CNTN5: variants seen among roughly 807,000 people sequenced by gnomAD.
CNTN5 encodes the protein contactin 5.
In CNTN5, 77 loss-of-function variants were observed where a neutral mutation model predicts 129.1. That is an observed-to-expected ratio of 0.60 (90% CI 0.50 to 0.72). The LOEUF is 0.72. Among genes scored for constraint, CNTN5 ranks in the 30% least tolerant of loss-of-function variants. CNTN5 has a pLI of 0.00. For synonymous variants in CNTN5, 509 were observed against 465.6 expected, an observed-to-expected ratio of 1.09 and a Z score of -1.20; for missense variants, 1,478 against 1,328.8, an observed-to-expected ratio of 1.11 and a Z score of -1.75.
chr11:99,864,948 A>G (rs1005214187), intron 6 of CNTN5, among the ~76,000 whole-genome samples: 28 of 152,218 alleles, frequency 1.8e-4, no homozygotes, highest in African/African-American at 6.3e-4. Context: ...AAGAATAAAA[A>G]CAATCATTGG....
intron 1 of CNTN5, among the ~76,000 whole-genome samples, chr11:99,243,438 G>A (rs968902818): frequency 6.6e-5 from 10 of 151,916 alleles, no homozygotes; most frequent in Non-Finnish European, 8.8e-5. Flanking sequence ...TGTTTCTTTT[G>A]CTGTGCAGAA....
chr11:100,014,396 A>G (rs1006395886), intron 9 of CNTN5, among the ~76,000 whole-genome samples: 1 of 151,970 alleles, frequency 6.6e-6, no homozygotes, highest in African/African-American at 2.4e-5. Flanking sequence ...CATAGTTCAA[A>G]TCTATTATTA....
chr11:99,961,727 C>T lies in CNTN5; in HGVS notation c.877+4718C>T, dbSNP rs369573967. 1.4e-3 allele frequency among the ~76,000 whole-genome samples: 207 copies of T among 152,186 alleles called. 1 individual carries two copies. The highest frequency in any genetic ancestry group is 4.7e-3 in the African/African-American group (195 of 41,520). On this transcript the variant is annotated intron_variant, in intron 8 of 24. Coordinates refer to ENST00000524871, the MANE Select transcript of CNTN5 (RefSeq NM_014361.4). ...CTCTTAATAATATGAATGAGCTTTC[C>T]GTGGAAAGATGAAGTTTTAAATGTC... is the stretch of plus-strand genomic sequence containing the variant.
intron 2 of CNTN5, among the ~76,000 whole-genome samples, chr11:99,358,688 T>G (rs750873839): frequency 2.4e-4 from 37 of 152,278 alleles, no homozygotes; most frequent in Admixed American, 3.9e-4. Context: ...ATTTCAAAAT[T>G]AAATTTAAAA....
At chr11:99,666,583 G>C (rs1026167196) in intron 3 of CNTN5, among the ~76,000 whole-genome samples, 7 of 152,194 alleles carry the variant, frequency 4.6e-5, no homozygotes, top group African/African-American at 1.7e-4. Flanking sequence ...ATAGCACAGA[G>C]AGAAGGATGT....
chr11:99,097,858 GT>G, intron 1 of CNTN5, among the ~76,000 whole-genome samples: 1 of 151,954 alleles, frequency 6.6e-6, no homozygotes, highest in Non-Finnish European at 1.5e-5. Context: ...TAAATTGAAG[GT>G]AAAAGGCCAG....
intron 2 of CNTN5, among the ~76,000 whole-genome samples, chr11:99,532,505 G>A (rs550797600): frequency 3.2e-4 from 49 of 152,160 alleles, no homozygotes; most frequent in African/African-American, 1.1e-3. Flanking sequence ...GAGGGGCCAG[G>A]GCAGAATGAT....
chr11:99,821,707 T>A (rs1363094189), intron 4 of CNTN5, among the ~76,000 whole-genome samples: 2 of 152,252 alleles, frequency 1.3e-5, no homozygotes, highest in South Asian at 2.1e-4. Context: ...CCTCAATCTT[T>A]ACAGATAAAA....
chr11:99,853,047 C>T (rs577216672), intron 6 of CNTN5, among the ~76,000 whole-genome samples: 8 of 151,850 alleles, frequency 5.3e-5, no homozygotes, highest in African/African-American at 1.9e-4. Context: ...CAATATAGTA[C>T]AAAAAAGTAT....
intron 7 of CNTN5, among the ~76,000 whole-genome samples, chr11:99,949,157 T>A (rs956744231): frequency 1.2e-4 from 19 of 152,188 alleles, no homozygotes; most frequent in Non-Finnish European, 1.5e-5. Context: ...AAAAATGTTG[T>A]CAAATCATAT....
intron 13 of CNTN5, among the ~76,000 whole-genome samples, chr11:100,136,796 A>T (rs1465100939): frequency 6.6e-6 from 1 of 151,860 alleles, no homozygotes; most frequent in Non-Finnish European, 1.5e-5. Flanking sequence ...GTTAAAAAAA[A>T]AAAATAAAGT....
intron 2 of CNTN5, among the ~76,000 whole-genome samples, chr11:99,386,449 T>G (rs1375747051): frequency 6.6e-6 from 1 of 152,074 alleles, no homozygotes; most frequent in African/African-American, 2.4e-5. Flanking sequence ...CCATCTAGAG[T>G]AACTTCCTGA....
intron 21 of CNTN5, chr11:100,337,699 T>A (rs1415642145): frequency 1.8e-6 from 1 of 555,198 alleles, no homozygotes; most frequent in East Asian, 4.3e-5. Context: ...CAGCTGTGCA[T>A]ATGTTTAGCC....
chr11:99,535,792 GT>G (rs564160630), intron 2 of CNTN5, among the ~76,000 whole-genome samples: 3 of 151,860 alleles, frequency 2.0e-5, no homozygotes, highest in Non-Finnish European at 2.9e-5. Flanking sequence ...GTTATGTTCA[GT>G]TTTTTTTGGT....
chr11:100,032,677 T>C (rs12287671), intron 9 of CNTN5, among the ~76,000 whole-genome samples: 5,516 of 152,212 alleles, frequency 0.036, 334 homozygotes, highest in African/African-American at 0.12. Flanking sequence ...ATAATGTCGT[T>C]TTTAAACACT....
At chr11:99,887,827 C>A (rs1425353261) in intron 6 of CNTN5, among the ~76,000 whole-genome samples, 1 of 152,180 alleles carries the variant, frequency 6.6e-6, no homozygotes, top group Non-Finnish European at 1.5e-5. Context: ...CCGCCTACTT[C>A]ACTCTAGCCT....
intron 2 of CNTN5, among the ~76,000 whole-genome samples, chr11:99,490,616 G>A (rs186555529): frequency 2.6e-4 from 39 of 152,264 alleles, no homozygotes; most frequent in African/African-American, 8.9e-4. Flanking sequence ...GGCTCAGAAG[G>A]TGAAGTAGGT....
chr11:100,126,839 C>T (rs191437786), intron 13 of CNTN5, among the ~76,000 whole-genome samples: 1,688 of 152,026 alleles, frequency 0.011, 26 homozygotes, highest in African/African-American at 0.037. Flanking sequence ...TAGCTGGTTT[C>T]TTTGTAGTTT....
At chr11:99,698,550 T>C (rs981751995) in intron 3 of CNTN5, among the ~76,000 whole-genome samples, 1 of 151,504 alleles carries the variant, frequency 6.6e-6, no homozygotes, top group Non-Finnish European at 1.5e-5. Context: ...GGCAATACTT[T>C]AACACTACCT....
Sources: gnomAD v4.1 joint callset for allele counts (sites outside exome capture counted in the v4.1 genomes callset) on GRCh38, gnomAD v4.1.1 for gene constraint, MANE v1.5 for transcripts, NCBI Gene and HGNC (gene_info 2026-07-23, HGNC 2026-07-21) for gene names.